Variants in DLG2 observed in about 807,000 individuals in gnomAD.
DLG2 encodes the protein disks large homolog 2.
Under a neutral mutation model 132.5 loss-of-function variants are expected in DLG2, and 45 were observed. The observed-to-expected ratio is 0.34, with a 90% confidence interval of 0.27 to 0.44. DLG2 has a LOEUF of 0.44. Ranked by LOEUF, DLG2 falls within the 20% of genes least tolerant of loss-of-function variation. The probability of loss-of-function intolerance (pLI) is 1.00; values close to 1 mark genes in which losing one functional copy is unlikely to be tolerated. For synonymous variants in DLG2, 424 were observed against 419.6 expected, an observed-to-expected ratio of 1.01 and a Z score of -0.13; for missense variants, 1,045 against 1,196.9, an observed-to-expected ratio of 0.87 and a Z score of 1.87.
At chr11:84,543,183 G>A (rs779825662) in intron 6 of DLG2, among the ~76,000 whole-genome samples, 3 of 152,078 alleles carry the variant, frequency 2.0e-5, no homozygotes, top group Non-Finnish European at 4.4e-5. Context: ...ATCCTGACTG[G>A]AGCACAGTTT....
rs762858195 is a variant in DLG2, at chr11:83,484,188, C to T, written c.2234G>A (p.Arg745Gln). The change falls in exon 22 of 28, where the codon CGA becomes CAA. Residue 745 changes from arginine to glutamine, a missense_variant. Physicochemically the swap from Arg to Gln is conservative, Grantham distance 43. This residue lies in a region of DLG2 where 398 missense variants were observed against 543.6 expected (regional missense o/e 0.73). Transcript: ENST00000376104. ...CTTGTTCTTGTAGAATGGGAATTTT[C>T]GTGAAAAGATGAAGCTCTTTTTACG... Reference protein sequence around the residue: ...DKRKKSFIFSRKFPFYKNKEQ... With the variant: ...DKRKKSFIFSQKFPFYKNKEQ... The T allele has an allele frequency of 6.8e-6, 11 of 1,613,356 alleles. No homozygotes were observed. Among genetic ancestry groups the T allele is most frequent in the Admixed American group, 1.7e-5 (1 of 59,942 alleles).
chr11:84,472,671 T>C (rs2099111462), intron 7 of DLG2, among the ~76,000 whole-genome samples: 2 of 151,954 alleles, frequency 1.3e-5, no homozygotes, highest in South Asian at 2.1e-4. Flanking sequence ...TCTCAAACTC[T>C]TGGTCTACTT....
chr11:84,280,563 G>T (rs1445218712), intron 7 of DLG2, among the ~76,000 whole-genome samples: 2 of 152,014 alleles, frequency 1.3e-5, no homozygotes, highest in Non-Finnish European at 2.9e-5. Context: ...GATTTTTAAA[G>T]TGTGCAAGGC....
intron 6 of DLG2, among the ~76,000 whole-genome samples, chr11:84,583,013 G>C (rs1268275255): frequency 3.3e-5 from 5 of 152,132 alleles, no homozygotes; most frequent in Non-Finnish European, 7.4e-5. Context: ...TGCTTATGCT[G>C]ACCCAATAAA....
At chr11:83,903,116 G>A (rs903374427) in intron 15 of DLG2, among the ~76,000 whole-genome samples, 1 of 151,832 alleles carries the variant, frequency 6.6e-6, no homozygotes, top group African/African-American at 2.4e-5. Flanking sequence ...TCAATAACAG[G>A]TATTGATTTA....
chr11:84,156,162 C>T (rs2095424676), intron 9 of DLG2, among the ~76,000 whole-genome samples: 1 of 152,062 alleles, frequency 6.6e-6, no homozygotes. Flanking sequence ...AGTATAATTC[C>T]ACAAATTCCT....
chr11:84,928,132 T>C (rs1399081753), intron 6 of DLG2, among the ~76,000 whole-genome samples: 3 of 151,982 alleles, frequency 2.0e-5, no homozygotes, highest in Non-Finnish European at 4.4e-5. Context: ...ATTTCTGTTG[T>C]AAATGAGATA....
At chr11:83,954,389 T>C (rs2086275641) in intron 14 of DLG2, among the ~76,000 whole-genome samples, 1 of 152,214 alleles carries the variant, frequency 6.6e-6, no homozygotes, top group Non-Finnish European at 1.5e-5. Flanking sequence ...CTTTATTGTT[T>C]ATTTACATTA....
At chr11:84,703,765 A>AT (rs1273938928) in intron 6 of DLG2, among the ~76,000 whole-genome samples, 2 of 150,130 alleles carry the variant, frequency 1.3e-5, no homozygotes, top group Non-Finnish European at 3.0e-5. Context: ...ATAAAAATAC[A>AT]TTTTTTAGAC....
chr11:84,118,303 G>A (rs199737539), intron 9 of DLG2, among the ~76,000 whole-genome samples: 3 of 152,318 alleles, frequency 2.0e-5, no homozygotes, highest in Non-Finnish European at 2.9e-5. Flanking sequence ...CATCAAATGT[G>A]TACTAGAGTA....
chr11:83,906,941 A>G (rs974941600), intron 15 of DLG2, among the ~76,000 whole-genome samples: 1 of 152,196 alleles, frequency 6.6e-6, no homozygotes, highest in African/African-American at 2.4e-5. Context: ...TATACCTAAT[A>G]TAAGATAAAA....
chr11:83,836,472 T>C (rs2056202294), intron 16 of DLG2, among the ~76,000 whole-genome samples: 1 of 152,176 alleles, frequency 6.6e-6, no homozygotes. Context: ...AAGCAACTAA[T>C]GGCACATTGA....
At chr11:84,629,171 A>C (rs752120080) in intron 6 of DLG2, among the ~76,000 whole-genome samples, 2 of 152,180 alleles carry the variant, frequency 1.3e-5, no homozygotes, top group Non-Finnish European at 2.9e-5. Flanking sequence ...TAGCTGATTT[A>C]CTTAGGATTT....
chr11:83,837,734 A>AAAAAAAAAAAAAAAAG (rs2056600453), intron 16 of DLG2, among the ~76,000 whole-genome samples: 1 of 149,668 alleles, frequency 6.7e-6, no homozygotes, highest in African/African-American at 2.4e-5. Context: ...AAAAAAAAAA[A>AAAAAAAAAAAAAAAAG]AAAAAAAAAA....
intron 7 of DLG2, among the ~76,000 whole-genome samples, chr11:84,509,077 T>C (rs554047788): frequency 1.3e-5 from 2 of 152,334 alleles, no homozygotes; most frequent in Admixed American, 1.3e-4. Flanking sequence ...TGAAGGCAGA[T>C]CAATCAACTT....
intron 7 of DLG2, among the ~76,000 whole-genome samples, chr11:84,344,539 G>A (rs1321410037): frequency 6.6e-6 from 1 of 152,178 alleles, no homozygotes; most frequent in Admixed American, 6.5e-5. Flanking sequence ...ATGGTTGAAA[G>A]CTCAGTGAAG....
chr11:85,263,987 G>T (rs1222203090), intron 4 of DLG2, among the ~76,000 whole-genome samples: 1 of 152,218 alleles, frequency 6.6e-6, no homozygotes, highest in Non-Finnish European at 1.5e-5. Flanking sequence ...GGGCTGAAGG[G>T]AAGTTTTATA....
At position 84,714,599 on chromosome 11, in the gene DLG2, TTCTC is replaced by T. The variant is rs1565749778; in HGVS notation, c.358-179872_358-179869del. Among the ~76,000 whole-genome samples, 128 of 83,590 alleles carry T rather than the reference TTCTC, an allele frequency of 1.5e-3. 1 individual carries two copies. The highest frequency in any genetic ancestry group is 5.3e-3 in the Middle Eastern group (1 of 190). The allele number at this position is 83,590 out of a possible 152,430, so 54.8% of individuals were successfully genotyped here. ...TCTTTCTCTTTCTCTTTCTCTTTCT[TTCTC>T]TTTCTCTTTCTCTTTCTCTTTCTCT... On this transcript the variant is annotated intron_variant, in intron 6 of 27. Transcript: ENST00000376104.
At chr11:84,112,959 T>A (rs548702657) in intron 9 of DLG2, among the ~76,000 whole-genome samples, 1 of 152,344 alleles carries the variant, frequency 6.6e-6, no homozygotes, top group East Asian at 1.9e-4. Flanking sequence ...TTTGGATTGG[T>A]TATAAACTAG....
Sources: allele counts gnomAD v4.1 joint callset (sites outside exome capture counted in the v4.1 genomes callset), GRCh38; gene constraint gnomAD v4.1.1; regional missense constraint gnomAD v4.1.1; transcripts MANE v1.5; gene names NCBI Gene and HGNC (gene_info 2026-07-23, HGNC 2026-07-21).